Variants in CHIT1 observed in about 807,000 individuals in gnomAD.
CHIT1 encodes the protein chitotriosidase-1.
Under a neutral mutation model 52.0 loss-of-function variants are expected in CHIT1, and 47 were observed. The ratio of observed to expected loss-of-function variants is 0.90; its 90% CI spans 0.71 to 1.15. The LOEUF (loss-of-function observed/expected upper bound fraction) is 1.15, where lower values mean the gene tolerates loss of function less well. Among genes scored for constraint, CHIT1 ranks in the 50% most tolerant of loss-of-function variants. The pLI is 0.00. For synonymous variants in CHIT1, 242 were observed against 228.2 expected (o/e 1.06, Z -0.54); for missense variants, 569 against 583.0 (o/e 0.98, Z 0.25).
At chr1:203,217,538 C>G (rs41308417) in intron 10 of CHIT1, among the ~76,000 whole-genome samples, 2,766 of 152,340 alleles carry the variant, frequency 0.018, 37 homozygotes, top group Non-Finnish European at 0.029. Flanking sequence ...TTGCTACAAC[C>G]AGGAAGAGAA....
At chr1:203,220,861 C>T (rs1162355459) in intron 7 of CHIT1, among the ~76,000 whole-genome samples, 3 of 152,244 alleles carry the variant, frequency 2.0e-5, no homozygotes, top group African/African-American at 7.2e-5. Flanking sequence ...TCCCCGGGCA[C>T]ACTGTGTGGT....
At chr1:203,228,611 T>C (rs1263226867) in intron 1 of CHIT1, 49 bp from the exon 2 acceptor site, 1 of 1,556,694 alleles carries the variant, frequency 6.4e-7, no homozygotes, top group Admixed American at 1.9e-5. Flanking sequence ...CATTCTCACC[T>C]TCCCAGGCCC....
intron 10 of CHIT1, chr1:203,217,405 G>A: frequency 6.7e-7 from 1 of 1,488,094 alleles, no homozygotes; most frequent in Non-Finnish European, 9.0e-7. Context: ...CTGAGGGCAG[G>A]TGGGGGTGCC....
chr1:203,218,094 G>A (rs1656603454), intron 9 of CHIT1: 2 of 1,494,428 alleles, frequency 1.3e-6, no homozygotes, highest in African/African-American at 1.4e-5. Flanking sequence ...AGCATGACCT[G>A]GGGTGGGGTG....
At chr1:203,223,761 G>T in intron 4 of CHIT1, 101 bp from the exon 5 acceptor site, 1 of 1,247,178 alleles carries the variant, frequency 8.0e-7, no homozygotes, top group Non-Finnish European at 1.2e-6. Context: ...GTGCGTCTCT[G>T]TGTCTGGGCT....
intron 3 of CHIT1, among the ~76,000 whole-genome samples, 170 bp downstream of exon 3, chr1:203,225,499 C>T (rs1656893745): frequency 6.6e-6 from 1 of 152,170 alleles, no homozygotes; most frequent in Non-Finnish European, 1.5e-5. Context: ...TAAGCAAACC[C>T]TACCTCTTTC....
Position 203,219,256 on chromosome 1 carries a change from T to C in CHIT1, c.989A>G (p.Gln330Arg). 1 of 1,603,050 alleles carries C rather than the reference T, an allele frequency of 6.2e-7. No homozygotes were observed. The highest frequency in any genetic ancestry group is 1.1e-5 in the South Asian group (1 of 90,846). ...CTCCACATCATCAAAGCCCACCCAC[T>C]GGTTGTCCCGGAAGATGTAGGGCAC... ...QKVPYIFRDN[Q>R]WVGFDDVESF... Residue 330 changes from glutamine to arginine, a missense_variant, in exon 9 of 11, where the codon CAG becomes CGG. Coordinates refer to ENST00000367229, the MANE Select transcript of CHIT1 (RefSeq NM_003465.3).
rs1486296805 is a variant in CHIT1 at position 203,216,128 on chromosome 1, G to A, written c.*761C>T. 4.4e-6 allele frequency: 2 copies of A among 454,110 alleles called. No homozygotes were observed. The highest frequency in any genetic ancestry group is 8.8e-6 in the Non-Finnish European group (2 of 226,786). The allele number at this position is 454,110 out of a possible 1,614,324, so 28.1% of individuals were successfully genotyped here. A position where few individuals can be genotyped will look rare whatever the true frequency, so the allele number is the denominator to read the frequency against. On this transcript the variant is annotated 3_prime_UTR_variant, in exon 11 of 11. Transcript: ENST00000367229. ...CCAGGACACCGTGTGCATGCTCTCT[G>A]GCCCATTTCAGGCCTTGGTTCTGGA...
intron 2 of CHIT1, among the ~76,000 whole-genome samples, chr1:203,228,087 G>A (rs1364736473): frequency 6.6e-6 from 1 of 152,240 alleles, no homozygotes; most frequent in African/African-American, 2.4e-5. Context: ...AAGCAAGTGT[G>A]TTGTCCTCGC....
At chr1:203,222,477 G>A in intron 6 of CHIT1, 152 bp from the exon 7 acceptor site, 2 of 1,147,634 alleles carry the variant, frequency 1.7e-6, no homozygotes, top group Middle Eastern at 2.8e-4. Context: ...TGCAGAAGGT[G>A]ACCCAGACAG....
intron 7 of CHIT1, among the ~76,000 whole-genome samples, chr1:203,221,922 C>A (rs1278517936): frequency 2.0e-5 from 3 of 152,112 alleles, no homozygotes; most frequent in Non-Finnish European, 4.4e-5. Flanking sequence ...GCTGGAGACT[C>A]AAGCTCAAAG....
At chr1:203,219,570 A>G in intron 8 of CHIT1, 94 bp downstream of exon 8, 2 of 1,423,636 alleles carry the variant, frequency 1.4e-6, no homozygotes, top group East Asian at 4.5e-5. Flanking sequence ...TGCAATTGGC[A>G]TCCTTACTCA....
chr1:203,227,098 C>A (rs144874290), intron 2 of CHIT1, among the ~76,000 whole-genome samples: 4 of 151,966 alleles, frequency 2.6e-5, no homozygotes, highest in African/African-American at 9.7e-5. Context: ...AGGGATGGGA[C>A]GAGGAAGAGG....
intron 7 of CHIT1, 79 bp downstream of exon 7, chr1:203,222,123 G>T (rs1247378062): frequency 9.4e-6 from 15 of 1,590,744 alleles, no homozygotes; most frequent in Non-Finnish European, 1.3e-5. Context: ...TCCCATGAGG[G>T]CCTCGGGGCT....
chr1:203,217,545 A>G (rs1656577524), intron 10 of CHIT1, among the ~76,000 whole-genome samples, 194 bp downstream of exon 10: 1 of 152,222 alleles, frequency 6.6e-6, no homozygotes, highest in Non-Finnish European at 1.5e-5. Flanking sequence ...AACCAGGAAG[A>G]GAAAGACCGC....
rs893036334 is a variant in CHIT1 at position 203,216,393 on chromosome 1, A to G, written c.*496T>C. 4 of 454,052 alleles carry G rather than the reference A, an allele frequency of 8.8e-6. No individual in the cohort carries two copies. The highest frequency in any genetic ancestry group is 1.6e-5 in the South Asian group (1 of 64,482). The allele number at this position is 454,052 out of a possible 1,614,324, so 28.1% of individuals were successfully genotyped here. ...TTCTTCTCTGCTGCCATCTAGTGGCATTTTGGGAATAACACGTGCGTGAAG... is the reference window on the plus strand; with the variant it reads ...TTCTTCTCTGCTGCCATCTAGTGGCGTTTTGGGAATAACACGTGCGTGAAG... On this transcript the variant is annotated 3_prime_UTR_variant, in exon 11 of 11. Coordinates refer to ENST00000367229, the MANE Select transcript of CHIT1 (RefSeq NM_003465.3).
chr1:203,217,067 G>A lies in CHIT1; in HGVS notation c.1223C>T (p.Pro408Leu). Residue 408 changes from proline (P) to leucine (L), a missense_variant, in exon 11 of 11, where the codon CCT (proline) becomes CTT (leucine). Transcript: ENST00000367229. Reference sequence around the variant, plus strand: ...TTGTCCAGGGCTGGGGCCATGCTCAGGTTCAGAGGGCTGACCTGGTTTTGG... The same window carrying A: ...TTGTCCAGGGCTGGGGCCATGCTCAAGTTCAGAGGGCTGACCTGGTTTTGG... Reference protein sequence around the residue: ...EVPKPGQPSEPEHGPSPGQDT... With the variant: ...EVPKPGQPSELEHGPSPGQDT... 1.2e-6 allele frequency: 2 copies of A among 1,613,560 alleles called. No homozygotes were observed. The highest frequency in any genetic ancestry group is 1.7e-6 in the Non-Finnish European group (2 of 1,180,040).
chr1:203,227,643 G>A (rs1187014372), intron 2 of CHIT1, among the ~76,000 whole-genome samples: 1 of 152,176 alleles, frequency 6.6e-6, no homozygotes, highest in East Asian at 1.9e-4. Context: ...TAAAACACTC[G>A]GAGGAACACT....
chr1:203,216,851 C>A lies in CHIT1; in HGVS notation c.*38G>T. On this transcript the variant is annotated 3_prime_UTR_variant, in exon 11 of 11. Transcript: ENST00000367229. The stretch of plus-strand genomic sequence containing the variant: ...AGGCAGGCTGTAGAGTGATCCTGGG[C>A]CCAGCCTCAAAGCTGGGACTGGAGG... The A allele has an allele frequency of 6.2e-7, 1 of 1,612,934 alleles. No individual in the cohort carries two copies. The highest frequency in any genetic ancestry group is 8.5e-7 in the Non-Finnish European group (1 of 1,179,978).
Sources: gnomAD v4.1 joint callset for allele counts (sites outside exome capture counted in the v4.1 genomes callset) on GRCh38, gnomAD v4.1.1 for gene constraint, MANE v1.5 for transcripts, NCBI Gene and HGNC (gene_info 2026-07-23, HGNC 2026-07-21) for gene names.